PRKG1: variants seen among roughly 807,000 people sequenced by gnomAD.
The protein encoded by PRKG1 is protein kinase cGMP-dependent 1, also known as cGMP-dependent protein kinase 1.
Under a neutral mutation model 88.1 loss-of-function variants are expected in PRKG1, and 35 were observed. The ratio of observed to expected loss-of-function variants is 0.40; its 90% CI spans 0.30 to 0.53. The LOEUF is 0.53. Ranked by LOEUF, PRKG1 falls within the 20% of genes least tolerant of loss-of-function variation. The pLI is 0.59. For missense variants in PRKG1, 540 were observed against 839.8 expected, an observed-to-expected ratio of 0.64 and a Z score of 4.41; for synonymous variants, 303 against 292.5, an observed-to-expected ratio of 1.04 and a Z score of -0.37.
At chr10:51,096,061 T>C (rs1844519796) in intron 1 of PRKG1, among the ~76,000 whole-genome samples, 1 of 152,172 alleles carries the variant, frequency 6.6e-6, no homozygotes, top group African/African-American at 2.4e-5. Context: ...GTGATATTAT[T>C]ACATAAGAAT....
chr10:51,995,152 A>G (rs1589497068), intron 5 of PRKG1, among the ~76,000 whole-genome samples: 1 of 152,110 alleles, frequency 6.6e-6, no homozygotes, highest in East Asian at 1.9e-4. Flanking sequence ...CCAATTTGAT[A>G]CTCTTTTTAC....
intron 1 of PRKG1, among the ~76,000 whole-genome samples, chr10:51,080,756 C>T (rs117632011): frequency 1.3e-3 from 195 of 152,324 alleles, no homozygotes; most frequent in Admixed American, 3.3e-3. Context: ...ACCCCTTCCC[C>T]GACAGCCCTT....
intron 3 of PRKG1, among the ~76,000 whole-genome samples, chr10:51,593,715 A>G (rs1230996189): frequency 1.3e-5 from 2 of 151,038 alleles, no homozygotes; most frequent in South Asian, 2.1e-4. Context: ...GTATGGCACC[A>G]AAAGGAAGGC....
intron 5 of PRKG1, among the ~76,000 whole-genome samples, chr10:51,940,726 A>G (rs77233146): frequency 0.016 from 2,443 of 151,878 alleles, 86 homozygotes; most frequent in African/African-American, 0.056. Flanking sequence ...ACTTCTCTTC[A>G]ACTTTGCCAT....
intron 2 of PRKG1, among the ~76,000 whole-genome samples, chr10:51,428,012 G>A (rs1024588549): frequency 2.0e-5 from 3 of 152,198 alleles, no homozygotes; most frequent in East Asian, 1.9e-4. Context: ...GGTGGACAGA[G>A]CACAGTAAGA....
In PRKG1 at chr10:51,924,669, C is replaced by T. The variant is rs117171046; in HGVS notation, c.762+17099C>T. Among the ~76,000 whole-genome samples, 914 of 149,696 alleles carry T rather than the reference C, an allele frequency of 6.1e-3. 7 individuals are homozygous for T. The highest frequency in any genetic ancestry group is 0.01 in the Middle Eastern group (3 of 288). ...TTTTATCATGCTGGTATTCTAATTACGTATATGTTGCATCTTTTGGAATTG... is the reference window on the plus strand; with the variant it reads ...TTTTATCATGCTGGTATTCTAATTATGTATATGTTGCATCTTTTGGAATTG... On this transcript the variant is annotated intron_variant, in intron 5 of 17. Coordinates refer to ENST00000373980, the MANE Select transcript of PRKG1 (RefSeq NM_006258.4).
intron 14 of PRKG1, among the ~76,000 whole-genome samples, chr10:52,287,698 T>TAAAAATA (rs2132457936): frequency 7.2e-6 from 1 of 138,118 alleles, no homozygotes; most frequent in African/African-American, 2.7e-5. Flanking sequence ...ATGGATCAGT[T>TAAAAATA]AAAAAAAAAA....
intron 3 of PRKG1, among the ~76,000 whole-genome samples, chr10:51,755,413 T>C (rs552062918): frequency 1.9e-4 from 29 of 152,202 alleles, no homozygotes; most frequent in Non-Finnish European, 4.1e-4. Context: ...CTTTCTCAAC[T>C]ATCTCACCTA....
chr10:51,986,920 T>G (rs1019323468), intron 5 of PRKG1, among the ~76,000 whole-genome samples: 3 of 152,114 alleles, frequency 2.0e-5, no homozygotes, highest in African/African-American at 4.8e-5. Context: ...TTCAGGGAGA[T>G]GGGGAAGTCT....
chr10:51,483,211 A>C (rs1046520022), intron 3 of PRKG1, among the ~76,000 whole-genome samples: 7 of 151,922 alleles, frequency 4.6e-5, no homozygotes, highest in Admixed American at 3.3e-4. Flanking sequence ...TAGTAGAGAC[A>C]GGGTTTTATT....
chr10:51,985,741 C>A (rs576581724), intron 5 of PRKG1, among the ~76,000 whole-genome samples: 3 of 151,926 alleles, frequency 2.0e-5, no homozygotes, highest in Admixed American at 2.0e-4. Flanking sequence ...ATAAAGGCTA[C>A]CTTAAGGAAG....
intron 3 of PRKG1, among the ~76,000 whole-genome samples, chr10:51,646,500 A>G (rs1174719681): frequency 6.6e-6 from 1 of 152,062 alleles, no homozygotes; most frequent in African/African-American, 2.4e-5. Context: ...TTTTTAAGGC[A>G]GGATCTATTT....
intron 2 of PRKG1, among the ~76,000 whole-genome samples, chr10:51,238,750 G>T (rs1355464771): frequency 6.8e-6 from 1 of 147,364 alleles, no homozygotes; most frequent in Non-Finnish European, 1.5e-5. Flanking sequence ...GACAGAGGGA[G>T]ACTCTATCTC....
chr10:51,329,466 A>T (rs186289926), intron 2 of PRKG1, among the ~76,000 whole-genome samples: 1 of 152,212 alleles, frequency 6.6e-6, no homozygotes, highest in South Asian at 2.1e-4. Context: ...ATTTACAAAT[A>T]CCATTACAGT....
chr10:51,795,345 C>T (rs1838981953), intron 3 of PRKG1, among the ~76,000 whole-genome samples: 1 of 152,066 alleles, frequency 6.6e-6, no homozygotes, highest in African/African-American at 2.4e-5. Context: ...TTCTTATCTG[C>T]AGTGTCCAAT....
chr10:51,267,770 C>T (rs886207593), intron 2 of PRKG1, among the ~76,000 whole-genome samples: 5 of 151,996 alleles, frequency 3.3e-5, no homozygotes, highest in South Asian at 2.1e-4. Flanking sequence ...GACCAAGAAC[C>T]CAAAAGCAAA....
chr10:51,663,507 G>A (rs1015496891), intron 3 of PRKG1, among the ~76,000 whole-genome samples: 2 of 151,492 alleles, frequency 1.3e-5, no homozygotes, highest in Non-Finnish European at 2.9e-5. Context: ...TAGTTTAAGA[G>A]CCGCTTGGAC....
intron 9 of PRKG1, among the ~76,000 whole-genome samples, chr10:52,165,200 T>C (rs1163428891): frequency 1.3e-5 from 2 of 152,162 alleles, no homozygotes; most frequent in Non-Finnish European, 2.9e-5. Flanking sequence ...TAGCATTTTA[T>C]AGTCTTCTAA....
chr10:52,033,090 A>G (rs1845511675), intron 5 of PRKG1, among the ~76,000 whole-genome samples: 1 of 152,136 alleles, frequency 6.6e-6, no homozygotes, highest in African/African-American at 2.4e-5. Flanking sequence ...CAGTACCCCA[A>G]CTTTTAGTAT....
Sources: allele counts gnomAD v4.1 joint callset (sites outside exome capture counted in the v4.1 genomes callset), GRCh38; gene constraint gnomAD v4.1.1; transcripts MANE v1.5; gene names NCBI Gene and HGNC (gene_info 2026-07-23, HGNC 2026-07-21).